Variants in WWC2 observed in about 807,000 individuals in gnomAD.
WWC2 encodes WW and C2 domain containing 2.
In WWC2, 101 loss-of-function variants were observed where a neutral mutation model predicts 138.5. That is an observed-to-expected ratio of 0.73 (90% CI 0.62 to 0.86). The LOEUF is 0.86. WWC2 is among the 40% of genes least tolerant of loss of function. The probability of loss-of-function intolerance (pLI) is 0.00; values close to 1 mark genes in which losing one functional copy is unlikely to be tolerated. For synonymous variants in WWC2, 558 were observed against 538.4 expected (o/e 1.04, Z -0.50); for missense variants, 1,420 against 1,419.4 (o/e 1.00, Z -0.01).
At chr4:183,105,656 C>G (rs919886046) in intron 1 of WWC2, among the ~76,000 whole-genome samples, 2 of 152,094 alleles carry the variant, frequency 1.3e-5, no homozygotes, top group Non-Finnish European at 1.5e-5. Context: ...TTTGGGAGGC[C>G]AAGGCGGGTG....
Position 183,180,386 on chromosome 4 carries a change from G to A in WWC2, c.132-13213G>A, listed in dbSNP as rs115764758. 5.9e-3 allele frequency among the ~76,000 whole-genome samples: 895 copies of A among 152,144 alleles called. 7 individuals carry two copies. The highest frequency in any genetic ancestry group is 0.019 in the African/African-American group (793 of 41,482). On this transcript the variant is annotated intron_variant, in intron 1 of 22. Transcript: ENST00000403733. ...GGGTATCTTGTTGGTATTAGCTGAC[G>A]TTTCTTTCTTCTTAGATGTTTAGTA...
chr4:183,288,410 C>G (rs547131139), intron 20 of WWC2, among the ~76,000 whole-genome samples: 1 of 152,264 alleles, frequency 6.6e-6, no homozygotes, highest in African/African-American at 2.4e-5. Context: ...TTCTGTCTGC[C>G]AATAATCTAG....
chr4:183,136,006 C>G (rs1235664804), intron 1 of WWC2, among the ~76,000 whole-genome samples: 1 of 150,982 alleles, frequency 6.6e-6, no homozygotes, highest in Non-Finnish European at 1.5e-5. Context: ...TTTTTGAGAC[C>G]AGGTCTCACT....
At chr4:183,159,667 A>G (rs1315501667) in intron 1 of WWC2, among the ~76,000 whole-genome samples, 3 of 150,528 alleles carry the variant, frequency 2.0e-5, no homozygotes, top group Non-Finnish European at 4.4e-5. Context: ...AGCTTCCCAA[A>G]GTGCTGGGAT....
chr4:183,132,732 C>T (rs1019235262), intron 1 of WWC2, among the ~76,000 whole-genome samples: 2 of 152,106 alleles, frequency 1.3e-5, no homozygotes, highest in Non-Finnish European at 2.9e-5. Context: ...GGATTACAGG[C>T]GTGAGCCACC....
At chr4:183,304,994 T>C (rs938781895) in intron 21 of WWC2, among the ~76,000 whole-genome samples, 3 of 152,114 alleles carry the variant, frequency 2.0e-5, no homozygotes, top group African/African-American at 7.2e-5. Context: ...TGCCAAGGGC[T>C]ATAAGGGAAG....
chr4:183,292,707 T>A (rs1009469413), intron 21 of WWC2, among the ~76,000 whole-genome samples: 4 of 151,846 alleles, frequency 2.6e-5, no homozygotes, highest in Non-Finnish European at 5.9e-5. Flanking sequence ...AAAAAAGAAA[T>A]TACCTCAATT....
intron 1 of WWC2, among the ~76,000 whole-genome samples, chr4:183,137,640 A>C (rs1043861584): frequency 7.2e-5 from 11 of 152,074 alleles, no homozygotes; most frequent in African/African-American, 2.7e-4. Context: ...CTGGGACTGT[A>C]GATGCGCACC....
chr4:183,228,681 G>A (rs898299909), intron 4 of WWC2, among the ~76,000 whole-genome samples: 6 of 152,074 alleles, frequency 3.9e-5, no homozygotes, highest in African/African-American at 1.2e-4. Flanking sequence ...AATATGAAGC[G>A]TCGTTAAGGA....
chr4:183,261,199 G>A lies in WWC2; in HGVS notation c.1576G>A (p.Ala526Thr), dbSNP rs531178362. Reference protein sequence around the residue: ...QPGQSGLCGVAAAATGHTPPL... With the variant: ...QPGQSGLCGVTAAATGHTPPL... ...TGGCCAGAGTGGACTCTGTGGAGTGGCAGCTGCAGCAACAGGCCACACTCC... is the reference window on the plus strand; with the variant it reads ...TGGCCAGAGTGGACTCTGTGGAGTGACAGCTGCAGCAACAGGCCACACTCC... Residue 526 changes from alanine to threonine, a missense_variant, in exon 11 of 23, where the codon GCA (alanine) becomes ACA (threonine). Transcript: ENST00000403733. The A allele has an allele frequency of 9.3e-6, 15 of 1,613,172 alleles. No individual in the cohort carries two copies. The highest frequency in any genetic ancestry group is 1.7e-4 in the Middle Eastern group (1 of 6,060).
chr4:183,209,830 G>C (rs1043269629), intron 4 of WWC2, among the ~76,000 whole-genome samples: 1 of 152,156 alleles, frequency 6.6e-6, no homozygotes, highest in Non-Finnish European at 1.5e-5. Context: ...ATTGAAGTCT[G>C]TTCACCAAGT....
chr4:183,247,630 C>G (rs566540222), intron 6 of WWC2, among the ~76,000 whole-genome samples: 8 of 127,506 alleles, frequency 6.3e-5, no homozygotes, highest in South Asian at 4.8e-4. Context: ...ATACTATATA[C>G]TATATATACT....
intron 1 of WWC2, among the ~76,000 whole-genome samples, chr4:183,156,046 A>G (rs189468752): frequency 6.7e-6 from 1 of 149,578 alleles, no homozygotes; most frequent in Non-Finnish European, 1.5e-5. Context: ...TTCTTTTTTG[A>G]GACGGAATCT....
Position 183,129,857 on chromosome 4 carries a change from G to A in WWC2, c.131+30235G>A, listed in dbSNP as rs559759836. 7.2e-5 allele frequency among the ~76,000 whole-genome samples: 11 copies of A among 152,252 alleles called. No homozygotes were observed. The East Asian group carries it at 2.1e-3, about 29-fold the overall frequency. ...GTGATAGCTCTATGTCTGCAGTCAT[G>A]TGATCACTTACACCAGCTGCACAAC... On this transcript the variant is annotated intron_variant, in intron 1 of 22. Transcript: ENST00000403733.
intron 21 of WWC2, among the ~76,000 whole-genome samples, chr4:183,300,845 C>G (rs1397644163): frequency 6.6e-6 from 1 of 151,966 alleles, no homozygotes; most frequent in East Asian, 1.9e-4. Context: ...CATTACACTA[C>G]TTAGAGGGAC....
intron 1 of WWC2, among the ~76,000 whole-genome samples, chr4:183,104,117 G>A (rs1343860260): frequency 6.6e-6 from 1 of 152,006 alleles, no homozygotes; most frequent in Non-Finnish European, 1.5e-5. Context: ...CTGCCACCAC[G>A]CCCAGCTAAT....
intron 1 of WWC2, among the ~76,000 whole-genome samples, chr4:183,187,756 C>G (rs560370795): frequency 2.0e-4 from 31 of 151,268 alleles, no homozygotes; most frequent in African/African-American, 6.3e-4. Context: ...ACCTGTAATC[C>G]TAGCTACTTG....
chr4:183,266,043 A>G (rs1257923619), intron 14 of WWC2, 92 bp downstream of exon 14: 4 of 1,246,480 alleles, frequency 3.2e-6, no homozygotes, highest in Non-Finnish European at 4.5e-6. Context: ...ATCAAAATGA[A>G]GATACGGAAA....
In WWC2 at chr4:183,201,437, C is replaced by T. The variant is rs76373458; in HGVS notation, c.242-6516C>T. 7.0e-3 allele frequency among the ~76,000 whole-genome samples: 1,062 copies of T among 152,186 alleles called. 35 individuals are homozygous for T. The highest frequency in any genetic ancestry group is 9.3e-3 in the East Asian group (48 of 5,172). On this transcript the variant is annotated intron_variant, in intron 2 of 22. Transcript: ENST00000403733. Reference sequence around the variant, plus strand: ...TCTAAAGCAGTGGTTGCACTGTGCCCGTCCGACTCAGGCCATTTTGTTGAT... The same window carrying T: ...TCTAAAGCAGTGGTTGCACTGTGCCTGTCCGACTCAGGCCATTTTGTTGAT...
Sources: gnomAD v4.1 joint callset for allele counts (sites outside exome capture counted in the v4.1 genomes callset) on GRCh38, gnomAD v4.1.1 for gene constraint, MANE v1.5 for transcripts, NCBI Gene and HGNC (gene_info 2026-07-23, HGNC 2026-07-21) for gene names.